The following GSTM5 variants were observed in gnomAD, a reference collection of about 807,000 sequenced individuals.
GSTM5 encodes the protein GST class-mu 5.
A neutral mutation model predicts 29.0 loss-of-function variants in GSTM5; 24 were observed. The ratio of observed to expected loss-of-function variants is 0.83; its 90% confidence interval spans 0.60 to 1.16. The LOEUF (loss-of-function observed/expected upper bound fraction) is 1.16. GSTM5 is among the 50% of genes most tolerant of loss of function. The probability of loss-of-function intolerance (pLI) is 0.00; values close to 1 mark genes in which losing one functional copy is unlikely to be tolerated. For missense variants in GSTM5, 290 were observed against 263.0 expected (o/e 1.10, Z -0.71); for synonymous variants, 91 against 93.6 (o/e 0.97, Z 0.16).
rs750707456 is a variant in GSTM5, at chr1:109,713,709, A to G, written c.308A>G (p.Gln103Arg). ...EKIRVDILENQVMDNHMELVR... is the reference protein window; with the variant it reads ...EKIRVDILENRVMDNHMELVR... ...ATTCGTGTGGACATTTTGGAGAACC[A>G]GGTTATGGATAACCACATGGAGCTG... The change falls in exon 5 of 8, where the codon CAG becomes CGG. Residue 103 changes from glutamine (Q) to arginine (R), a missense_variant. By Grantham distance (43) the Gln-to-Arg change is conservative. Transcript: ENST00000256593. The G allele has an allele frequency of 6.2e-7, 1 of 1,612,878 alleles. No individual in the cohort carries two copies. Among genetic ancestry groups the G allele is most frequent in the Non-Finnish European group, 8.5e-7 (1 of 1,179,778 alleles).
chr1:109,712,238 T>C, upstream of GSTM5: 1 of 1,506,700 alleles, frequency 6.6e-7, no homozygotes. Context: ...GCCCCGCCTG[T>C]CCCCTCCTGG....
upstream of GSTM5, chr1:109,712,126 CG>C (rs1457781490): frequency 1.5e-6 from 1 of 660,514 alleles, no homozygotes; most frequent in Non-Finnish European, 2.7e-6. Flanking sequence ...GACTGGGAGG[CG>C]GGAGGGGGCT....
Position 109,717,618 on chromosome 1 carries a change from C to T in GSTM5, c.*192C>T. The T allele has an allele frequency of 3.7e-6, 2 of 545,338 alleles. No individual in the cohort carries two copies. Among genetic ancestry groups the T allele is most frequent in the Non-Finnish European group, 6.6e-6 (2 of 300,832 alleles). The allele number at this position is 545,338 out of a possible 1,614,324, so 33.8% of individuals were successfully genotyped here. ...GCATCGAGGCTCTTTAAAGCTTCAGCTCCCCACTGTCCTCCATCAAAGTCC... is the reference window on the plus strand; with the variant it reads ...GCATCGAGGCTCTTTAAAGCTTCAGTTCCCCACTGTCCTCCATCAAAGTCC... On this transcript the variant is annotated 3_prime_UTR_variant, in exon 8 of 8. Transcript: ENST00000256593.
intron 2 of GSTM5, 135 bp downstream of exon 2, chr1:109,712,828 T>G: frequency 9.4e-7 from 1 of 1,059,030 alleles, no homozygotes; most frequent in Non-Finnish European, 1.5e-6. Flanking sequence ...TGAGCTCCCG[T>G]GAGTGAGCCC....
chr1:109,717,508 TG>T lies in GSTM5; in HGVS notation c.*83del. The T allele has an allele frequency of 1.1e-6, 1 of 948,678 alleles. No individual in the cohort carries two copies. The allele number at this position is 948,678 out of a possible 1,614,324, so 58.8% of individuals were successfully genotyped here. ...GGAGGACAGCCTGACTCCCTGGACC[TG>T]CCTTCTTCCTTTTTCCTTCTTTCTA... On this transcript the variant is annotated 3_prime_UTR_variant, in exon 8 of 8. Transcript: ENST00000256593.
At chr1:109,714,753 A>G (rs1223514500) in intron 5 of GSTM5, 194 bp from the exon 6 acceptor site, 2 of 630,880 alleles carry the variant, frequency 3.2e-6, no homozygotes, top group African/African-American at 3.7e-5. Flanking sequence ...ATCACTTCAG[A>G]TAGGGTCTGG....
chr1:109,715,969 C>A, intron 7 of GSTM5: 3 of 913,820 alleles, frequency 3.3e-6, no homozygotes, highest in Non-Finnish European at 3.3e-6. Context: ...GATTTTACTC[C>A]TATTCACCGA....
Position 109,713,771 on chromosome 1 carries a change from A to G in GSTM5, c.360+10A>G, listed in dbSNP as rs377462045. On this transcript the variant is annotated intron_variant, in intron 5 of 7. Coordinates refer to ENST00000256593, the MANE Select transcript of GSTM5 (RefSeq NM_000851.4). ...CTATGACCCAGATTTTGTGAGTCCCACACCCCACTCCCAGTCACCCATTTC... is the reference window on the plus strand; with the variant it reads ...CTATGACCCAGATTTTGTGAGTCCCGCACCCCACTCCCAGTCACCCATTTC... 1.9e-6 allele frequency: 3 copies of G among 1,607,238 alleles called. No individual in the cohort carries two copies. Among genetic ancestry groups the G allele is most frequent in the African/African-American group, 1.3e-5 (1 of 74,718 alleles).
chr1:109,715,339 T>A (rs761380041), intron 7 of GSTM5, 99 bp downstream of exon 7: 9 of 1,611,564 alleles, frequency 5.6e-6, no homozygotes, highest in Admixed American at 1.7e-5. Context: ...ATAACTCGTA[T>A]GTATTGAGTA....
rs529749102 is a variant in GSTM5, at chr1:109,717,620, C to T, written c.*194C>T. 5.6e-6 allele frequency: 3 copies of T among 539,104 alleles called. No homozygotes were observed. The African/African-American group carries it at 5.7e-5, about 10-fold the overall frequency. The allele number at this position is 539,104 out of a possible 1,614,324, so 33.4% of individuals were successfully genotyped here. On this transcript the variant is annotated 3_prime_UTR_variant, in exon 8 of 8. Transcript: ENST00000256593. ...ATCGAGGCTCTTTAAAGCTTCAGCT[C>T]CCCACTGTCCTCCATCAAAGTCCCC... is the stretch of plus-strand genomic sequence containing the variant.
chr1:109,713,596 G>A (rs760473260), intron 4 of GSTM5, 31 bp downstream of exon 4: 10 of 1,614,080 alleles, frequency 6.2e-6, no homozygotes, highest in African/African-American at 2.7e-5. Context: ...TGTGCGGGGG[G>A]AAGGTGACCT....
At chr1:109,714,759 T>A (rs1648683962) in intron 5 of GSTM5, 188 bp from the exon 6 acceptor site, 1 of 638,786 alleles carries the variant, frequency 1.6e-6, no homozygotes, top group Non-Finnish European at 2.8e-6. Context: ...TCAGATAGGG[T>A]CTGGCACCCA....
chr1:109,713,599 G>C lies in GSTM5; in HGVS notation c.259+34G>C, dbSNP rs376085310. The C allele has an allele frequency of 1.1e-4, 174 of 1,614,206 alleles. No homozygotes were observed. In the African/African-American group the frequency reaches 2.2e-3, roughly 21 times the overall value. On this transcript the variant is annotated intron_variant, in intron 4 of 7. Coordinates refer to ENST00000256593, the MANE Select transcript of GSTM5 (RefSeq NM_000851.4). ...GGGTGGCTGCAATGTGCGGGGGGAA[G>C]GTGACCTCCTCCTTGGCTGGGCTGT... is the stretch of plus-strand genomic sequence containing the variant.
At chr1:109,711,766 G>T (rs1648515079), upstream of GSTM5, among the ~76,000 whole-genome samples, 1 of 151,626 alleles carries the variant, frequency 6.6e-6, no homozygotes, top group Admixed American at 6.6e-5. Context: ...AGCCCTCGGA[G>T]TAGCTTTCGG....
chr1:109,715,138 T>C lies in GSTM5; in HGVS notation c.465T>C (p.Phe155=). 1 of 1,614,252 alleles carries C rather than the reference T, an allele frequency of 6.2e-7. No individual in the cohort carries two copies. Among genetic ancestry groups the C allele is most frequent in the Non-Finnish European group, 8.5e-7 (1 of 1,180,038 alleles). Residue 155 remains phenylalanine (F), a synonymous_variant, in exon 7 of 8, where the codon TTT becomes TTC. Coordinates refer to ENST00000256593, the MANE Select transcript of GSTM5 (RefSeq NM_000851.4). ...TTCTTGGCCTTCTTCAGATCACCTTTGTGGATTTCCTTGCCTATGATGTCC... is the reference window on the plus strand; with the variant it reads ...TTCTTGGCCTTCTTCAGATCACCTTCGTGGATTTCCTTGCCTATGATGTCC... ...RPWFAGDKIT[F]VDFLAYDVLD... is the part of the protein sequence containing the mutation.
intron 7 of GSTM5, chr1:109,716,376 G>T (rs1648747605): frequency 6.2e-6 from 1 of 160,408 alleles, no homozygotes; most frequent in Non-Finnish European, 1.4e-5. Flanking sequence ...GAGCGGTGGG[G>T]AACAGCCGAG....
rs767389687 is a variant in GSTM5 at position 109,713,470 on chromosome 1, T to C, written c.178-14T>C. 1.2e-6 allele frequency: 2 copies of C among 1,614,214 alleles called. No individual in the cohort carries two copies. The highest frequency in any genetic ancestry group is 1.7e-6 in the Non-Finnish European group (2 of 1,180,018). ...GTGGCCCAACTGAGCTTCCCCGGTT[T>C]CCCATCTATCCAGCTGCCCTACTTG... On this transcript the variant is annotated splice_polypyrimidine_tract_variant and intron_variant, in intron 3 of 7. Coordinates refer to ENST00000256593, the MANE Select transcript of GSTM5 (RefSeq NM_000851.4).
intron 7 of GSTM5, 32 bp downstream of exon 7, chr1:109,715,272 C>G (rs368948360): frequency 6.2e-7 from 1 of 1,614,220 alleles, no homozygotes; most frequent in South Asian, 1.1e-5. Context: ...CTCTTTGATG[C>G]CCCTTGTTCC....
chr1:109,714,088 T>C, intron 5 of GSTM5: 1 of 214,362 alleles, frequency 4.7e-6, no homozygotes, highest in South Asian at 7.3e-5. Flanking sequence ...GGTCTTTTCT[T>C]AAGTCCTTGG....
Sources: gnomAD v4.1 joint callset for allele counts (sites outside exome capture counted in the v4.1 genomes callset) on GRCh38, gnomAD v4.1.1 for gene constraint, MANE v1.5 for transcripts, NCBI Gene and HGNC (gene_info 2026-07-23, HGNC 2026-07-21) for gene names.